BRINP3: variants seen among roughly 807,000 people sequenced by gnomAD.
BRINP3 encodes the protein BMP/retinoic acid-inducible neural-specific protein 3.
In BRINP3, 19 loss-of-function variants were observed where a neutral mutation model predicts 71.0. That is an observed-to-expected ratio of 0.27 (90% CI 0.19 to 0.39). The LOEUF (loss-of-function observed/expected upper bound fraction) is 0.39. Ranked by LOEUF, BRINP3 falls within the 10% of genes least tolerant of loss-of-function variation. BRINP3 has a pLI of 1.00. For synonymous variants in BRINP3, 380 were observed against 337.7 expected, an observed-to-expected ratio of 1.13 and a Z score of -1.37; for missense variants, 959 against 940.8, an observed-to-expected ratio of 1.02 and a Z score of -0.25.
At chr1:190,379,504 G>C (rs904971055) in intron 2 of BRINP3, among the ~76,000 whole-genome samples, 3 of 152,218 alleles carry the variant, frequency 2.0e-5, no homozygotes, top group Middle Eastern at 3.4e-3. Context: ...GCTGACATTT[G>C]AGGGCTGACC....
intron 6 of BRINP3, among the ~76,000 whole-genome samples, chr1:190,188,654 T>C (rs955610983): frequency 2.0e-5 from 3 of 152,190 alleles, no homozygotes; most frequent in Non-Finnish European, 2.9e-5. Flanking sequence ...TGTATCACAT[T>C]TATTGCTTTG....
chr1:190,452,185 G>T (rs1056349748), intron 2 of BRINP3, among the ~76,000 whole-genome samples: 3 of 151,990 alleles, frequency 2.0e-5, no homozygotes, highest in African/African-American at 4.8e-5. Context: ...AAATATTTTT[G>T]AAGACAAATA....
intron 2 of BRINP3, among the ~76,000 whole-genome samples, chr1:190,375,839 G>A (rs1487653913): frequency 6.6e-6 from 1 of 151,766 alleles, no homozygotes; most frequent in Non-Finnish European, 1.5e-5. Context: ...CTATTTTGAG[G>A]ACATAAAAAT....
chr1:190,418,673 A>G (rs906227410), intron 2 of BRINP3, among the ~76,000 whole-genome samples: 5 of 152,196 alleles, frequency 3.3e-5, no homozygotes, highest in Admixed American at 6.5e-5. Flanking sequence ...TCTGCAAAAC[A>G]GAAAAACAAC....
chr1:190,169,555 A>T (rs1435696410), intron 6 of BRINP3, among the ~76,000 whole-genome samples: 1 of 152,142 alleles, frequency 6.6e-6, no homozygotes, highest in Non-Finnish European at 1.5e-5. Flanking sequence ...TTCTTACAAG[A>T]ATGCTGACTG....
intron 7 of BRINP3, among the ~76,000 whole-genome samples, chr1:190,119,170 T>C (rs1417314872): frequency 1.3e-5 from 2 of 152,112 alleles, no homozygotes; most frequent in African/African-American, 4.8e-5. Context: ...AAAACATCCA[T>C]TTCTTTTTCA....
intron 2 of BRINP3, among the ~76,000 whole-genome samples, chr1:190,340,832 CAAG>C (rs1191100485): frequency 6.6e-6 from 1 of 151,710 alleles, no homozygotes; most frequent in African/African-American, 2.4e-5. Context: ...AAAAGAGGAT[CAAG>C]AGTACCTGGA....
At chr1:190,198,318 G>C (rs1421964528) in intron 6 of BRINP3, among the ~76,000 whole-genome samples, 1 of 152,036 alleles carries the variant, frequency 6.6e-6, no homozygotes, top group African/African-American at 2.4e-5. Context: ...TTAACATTTG[G>C]CTCTTTGTAA....
intron 4 of BRINP3, among the ~76,000 whole-genome samples, chr1:190,245,166 A>G (rs570525913): frequency 2.9e-4 from 44 of 151,974 alleles, no homozygotes; most frequent in African/African-American, 1.0e-3. Context: ...AACTCAACAG[A>G]CTCAAGCATA....
At chr1:190,234,890 A>T (rs985936479) in intron 4 of BRINP3, among the ~76,000 whole-genome samples, 1 of 152,092 alleles carries the variant, frequency 6.6e-6, no homozygotes, top group Non-Finnish European at 1.5e-5. Context: ...AACTGATTTT[A>T]TTATTTTCTT....
At chr1:190,307,115 G>C (rs1665156765) in intron 2 of BRINP3, among the ~76,000 whole-genome samples, 1 of 151,666 alleles carries the variant, frequency 6.6e-6, no homozygotes, top group Non-Finnish European at 1.5e-5. Context: ...CAAAATCCTA[G>C]TTGGGATTGG....
intron 2 of BRINP3, among the ~76,000 whole-genome samples, chr1:190,290,148 C>A (rs1472708142): frequency 2.6e-5 from 4 of 151,972 alleles, no homozygotes; most frequent in Non-Finnish European, 5.9e-5. Flanking sequence ...TCTCAATTAT[C>A]CTCTTTGAGT....
At chr1:190,138,703 T>G (rs1655177525) in intron 7 of BRINP3, among the ~76,000 whole-genome samples, 1 of 152,060 alleles carries the variant, frequency 6.6e-6, no homozygotes, top group Non-Finnish European at 1.5e-5. Flanking sequence ...TGAGGCTGGG[T>G]GTAGCTTTGC....
intron 2 of BRINP3, among the ~76,000 whole-genome samples, chr1:190,288,106 G>C (rs1663574714): frequency 6.6e-6 from 1 of 151,868 alleles, no homozygotes; most frequent in Non-Finnish European, 1.5e-5. Flanking sequence ...AAATATGTAA[G>C]AATTTTGCTT....
intron 2 of BRINP3, among the ~76,000 whole-genome samples, chr1:190,387,644 C>A (rs191081486): frequency 3.0e-4 from 45 of 151,896 alleles, no homozygotes; most frequent in Middle Eastern, 6.8e-3. Context: ...CCTGATTATT[C>A]TATTTTTCCG....
At chr1:190,425,882 C>A (rs773893747) in intron 2 of BRINP3, among the ~76,000 whole-genome samples, 1 of 151,424 alleles carries the variant, frequency 6.6e-6, no homozygotes, top group Non-Finnish European at 1.5e-5. Flanking sequence ...TAACGGTATT[C>A]CTTTCAACAG....
chr1:190,233,917 TA>T (rs1048024943), intron 5 of BRINP3, among the ~76,000 whole-genome samples: 3 of 152,188 alleles, frequency 2.0e-5, no homozygotes, highest in African/African-American at 7.2e-5. Flanking sequence ...AATATATCCT[TA>T]AGTACATTTC....
At chr1:190,205,639 T>C (rs1186207876) in intron 6 of BRINP3, among the ~76,000 whole-genome samples, 1 of 152,048 alleles carries the variant, frequency 6.6e-6, no homozygotes, top group African/African-American at 2.4e-5. Context: ...TAAGAAAATG[T>C]GTAAGAAAAT....
At chr1:190,328,116 T>G (rs1374451948) in intron 2 of BRINP3, among the ~76,000 whole-genome samples, 1 of 151,942 alleles carries the variant, frequency 6.6e-6, no homozygotes, top group East Asian at 1.9e-4. Flanking sequence ...TAGAGAGATC[T>G]CAAACTGATG....
Sources: gnomAD v4.1 joint callset for allele counts (sites outside exome capture counted in the v4.1 genomes callset) on GRCh38, gnomAD v4.1.1 for gene constraint, MANE v1.5 for transcripts, NCBI Gene and HGNC (gene_info 2026-07-23, HGNC 2026-07-21) for gene names.